The following CLNK variants were observed in gnomAD, a reference collection of about 807,000 sequenced individuals.
CLNK encodes the protein cytokine-dependent hematopoietic cell linker.
CLNK carries 74 observed loss-of-function variants against 68.6 expected under a neutral mutation model. That is an observed-to-expected ratio of 1.08 (90% CI 0.89 to 1.31). The LOEUF is 1.31. CLNK is among the 50% of genes most tolerant of loss of function. The pLI is 0.00. For synonymous variants in CLNK, 198 were observed against 172.2 expected (o/e 1.15, Z -1.17); for missense variants, 553 against 515.3 (o/e 1.07, Z -0.71).
chr4:10,680,992 T>C (rs1490121308), intron 1 of CLNK, among the ~76,000 whole-genome samples: 1 of 151,888 alleles, frequency 6.6e-6, no homozygotes, highest in Non-Finnish European at 1.5e-5. Flanking sequence ...TCCTGATATA[T>C]ATATATATAT....
the CLNK span, among the ~76,000 whole-genome samples, chr4:10,722,904 G>C: frequency 1.3e-5 from 2 of 152,134 alleles, no homozygotes; most frequent in Admixed American, 1.3e-4. Context: ...ACAAAAATTA[G>C]GCAGGTGTGG....
intron 18 of CLNK, among the ~76,000 whole-genome samples, chr4:10,499,037 G>A (rs1273056585): frequency 3.0e-5 from 4 of 132,800 alleles, no homozygotes; most frequent in South Asian, 5.1e-4. Context: ...GCCCAGGCAC[G>A]CCACAGTACC....
intron 2 of CLNK, among the ~76,000 whole-genome samples, chr4:10,615,317 T>TA (rs1245497452): frequency 6.6e-6 from 1 of 152,056 alleles, no homozygotes; most frequent in African/African-American, 2.4e-5. Context: ...CTGTCTCTAC[T>TA]AAAAAATACA....
At chr4:10,547,439 G>T (rs1471749447) in intron 8 of CLNK, among the ~76,000 whole-genome samples, 3 of 152,156 alleles carry the variant, frequency 2.0e-5, no homozygotes, top group African/African-American at 7.2e-5. Context: ...ACTTACCAAA[G>T]TTGACTCCTG....
the CLNK span, among the ~76,000 whole-genome samples, chr4:10,702,779 C>T: frequency 6.6e-6 from 1 of 152,088 alleles, no homozygotes; most frequent in African/African-American, 2.4e-5. Context: ...TATGAAACAC[C>T]TAGAATACTG....
intron 1 of CLNK, among the ~76,000 whole-genome samples, chr4:10,677,964 A>G (rs974715636): frequency 6.6e-6 from 1 of 152,136 alleles, no homozygotes; most frequent in African/African-American, 2.4e-5. Flanking sequence ...GCATTGAACA[A>G]TCCTGTCATT....
chr4:10,528,004 G>T, intron 13 of CLNK, 72 bp downstream of exon 13: 1 of 791,264 alleles, frequency 1.3e-6, no homozygotes, highest in South Asian at 3.9e-5. Flanking sequence ...TAATAACCAT[G>T]AGCACTGTAG....
intron 2 of CLNK, among the ~76,000 whole-genome samples, chr4:10,611,496 G>GAAA (rs10692993): frequency 0.045 from 6,118 of 134,668 alleles, 264 homozygotes; most frequent in East Asian, 0.11. Flanking sequence ...GGCTAAGTCT[G>GAAA]AAAAAAAAAA....
intron 7 of CLNK, among the ~76,000 whole-genome samples, chr4:10,562,867 C>T (rs539314305): frequency 3.0e-4 from 46 of 152,122 alleles, no homozygotes; most frequent in Non-Finnish European, 5.1e-4. Flanking sequence ...TGGTCTCCTA[C>T]CATTAGCATA....
chr4:10,610,565 T>G (rs920910356), intron 2 of CLNK, among the ~76,000 whole-genome samples: 2 of 152,174 alleles, frequency 1.3e-5, no homozygotes, highest in Non-Finnish European at 2.9e-5. Context: ...CATCTCATTT[T>G]TCAAATGCTT....
chr4:10,533,610 C>T (rs1413835685), intron 11 of CLNK, among the ~76,000 whole-genome samples: 1 of 152,188 alleles, frequency 6.6e-6, no homozygotes, highest in Non-Finnish European at 1.5e-5. Flanking sequence ...CCCCCTGCCT[C>T]CCGCTTTTAG....
chr4:10,655,330 A>AG (rs1355299217), intron 2 of CLNK, among the ~76,000 whole-genome samples: 998 of 77,820 alleles, frequency 0.013, 17 homozygotes, highest in African/African-American at 0.034. Flanking sequence ...AAAACCCCCA[A>AG]AGACAGAGAG....
chr4:10,664,539 C>T (rs1351768144), intron 2 of CLNK, among the ~76,000 whole-genome samples: 1 of 152,212 alleles, frequency 6.6e-6, no homozygotes, highest in Non-Finnish European at 1.5e-5. Flanking sequence ...GATAAGTTCT[C>T]AAGTGTGCCA....
chr4:10,622,231 G>A (rs2108861908), intron 2 of CLNK, among the ~76,000 whole-genome samples: 1 of 152,268 alleles, frequency 6.6e-6, no homozygotes, highest in East Asian at 1.9e-4. Context: ...GAGTTATAAT[G>A]ATATTATTCC....
At chr4:10,491,844 A>T (rs1716587804) in intron 18 of CLNK, among the ~76,000 whole-genome samples, 1 of 152,072 alleles carries the variant, frequency 6.6e-6, no homozygotes, top group South Asian at 2.1e-4. Flanking sequence ...ATAATGGTGA[A>T]GTTTGGGCTT....
chr4:10,582,890 A>T (rs1255185022), intron 4 of CLNK, among the ~76,000 whole-genome samples: 1 of 152,110 alleles, frequency 6.6e-6, no homozygotes, highest in East Asian at 1.9e-4. Context: ...CACACCTCAC[A>T]TCATAGATAT....
intron 2 of CLNK, among the ~76,000 whole-genome samples, chr4:10,627,982 C>T (rs1722743625): frequency 6.6e-6 from 1 of 152,210 alleles, no homozygotes. Context: ...TTCACTTGCA[C>T]CAGAATCCAG....
At chr4:10,656,395 G>A (rs1723991168) in intron 2 of CLNK, 1 of 149,224 alleles carries the variant, frequency 6.7e-6, no homozygotes, top group African/African-American at 2.5e-5. Context: ...GTGTGCAGAC[G>A]AGAAAAGCTT....
At chr4:10,590,852 C>G (rs549720082) in intron 3 of CLNK, among the ~76,000 whole-genome samples, 1 of 152,192 alleles carries the variant, frequency 6.6e-6, no homozygotes, top group East Asian at 1.9e-4. Flanking sequence ...ACTCAAACCT[C>G]ATAGCAATTC....
Sources: gnomAD v4.1 joint callset for allele counts (sites outside exome capture counted in the v4.1 genomes callset) on GRCh38, gnomAD v4.1.1 for gene constraint, MANE v1.5 for transcripts, NCBI Gene and HGNC (gene_info 2026-07-23, HGNC 2026-07-21) for gene names.